The following CTIF variants were observed in gnomAD, a reference collection of about 807,000 sequenced individuals.
CTIF encodes the protein CBP80/20-dependent translation initiation factor.
In CTIF, 21 loss-of-function variants were observed where a neutral mutation model predicts 66.0. The observed-to-expected ratio is 0.32, with a 90% CI of 0.23 to 0.46. The LOEUF is 0.46. Among genes scored for constraint, CTIF ranks in the 20% least tolerant of loss-of-function variants. CTIF has a pLI of 1.00. For synonymous variants in CTIF, 345 were observed against 326.4 expected, an observed-to-expected ratio of 1.06 and a Z score of -0.62; for missense variants, 739 against 812.7, an observed-to-expected ratio of 0.91 and a Z score of 1.10.
intron 6 of CTIF, among the ~76,000 whole-genome samples, chr18:48,681,237 G>T (rs1223461997): frequency 6.6e-6 from 1 of 152,234 alleles, no homozygotes; most frequent in Non-Finnish European, 1.5e-5. Context: ...AGCCAGGGGG[G>T]CTGGGGGGTC....
chr18:48,698,292 G>C (rs2092036072), intron 6 of CTIF, among the ~76,000 whole-genome samples: 1 of 151,998 alleles, frequency 6.6e-6, no homozygotes, highest in Non-Finnish European at 1.5e-5. Flanking sequence ...CCTGGAACCT[G>C]TCGCAGGAGA....
chr18:48,812,716 T>C (rs1256456601), intron 9 of CTIF, among the ~76,000 whole-genome samples: 1 of 144,944 alleles, frequency 6.9e-6, no homozygotes, highest in Non-Finnish European at 1.5e-5. Flanking sequence ...ATCGCACCAC[T>C]GCACTGCAGC....
intron 10 of CTIF, among the ~76,000 whole-genome samples, chr18:48,830,374 G>A (rs929099725): frequency 1.3e-4 from 20 of 152,130 alleles, no homozygotes; most frequent in Admixed American, 1.2e-3. Context: ...ATGTTGGCCA[G>A]GCTGATCTCA....
chr18:48,571,538 T>C (rs2089416082), intron 1 of CTIF, among the ~76,000 whole-genome samples: 1 of 152,260 alleles, frequency 6.6e-6, no homozygotes, highest in African/African-American at 2.4e-5. Context: ...TTCTTTCTTA[T>C]ATCAAAGGTG....
intron 7 of CTIF, among the ~76,000 whole-genome samples, chr18:48,721,269 T>A (rs1462870825): frequency 6.6e-6 from 1 of 152,160 alleles, no homozygotes; most frequent in Non-Finnish European, 1.5e-5. Context: ...GGAGGGCTGC[T>A]CCCTGAGAAA....
chr18:48,818,589 C>G (rs1379920231), intron 10 of CTIF, among the ~76,000 whole-genome samples: 1 of 151,850 alleles, frequency 6.6e-6, no homozygotes, highest in Non-Finnish European at 1.5e-5. Flanking sequence ...TGGGAAGTAT[C>G]GATATGCACC....
At chr18:48,830,100 G>T (rs1270840905) in intron 10 of CTIF, among the ~76,000 whole-genome samples, 1 of 152,174 alleles carries the variant, frequency 6.6e-6, no homozygotes, top group Admixed American at 6.5e-5. Flanking sequence ...GGTGGGTTTC[G>T]GAGGCAGACA....
rs1186767613 is a variant in CTIF, at chr18:48,830,737, C to A, written c.1527+13361C>A. On this transcript the variant is annotated intron_variant, in intron 10 of 11. Coordinates refer to ENST00000256413, the MANE Select transcript of CTIF (RefSeq NM_014772.3). The stretch of plus-strand genomic sequence containing the variant: ...CTCAGAAGTCAGTTTCTCAGACCCC[C>A]CCCCGACCACGCCCCAGCCTGTCCC... Among the ~76,000 whole-genome samples the A allele has an allele frequency of 1.3e-5, 2 of 151,562 alleles. 1 individual carries two copies. Among genetic ancestry groups the A allele is most frequent in the Non-Finnish European group, 2.9e-5 (2 of 67,880 alleles).
At chr18:48,738,780 G>T (rs962990344) in intron 7 of CTIF, among the ~76,000 whole-genome samples, 4 of 152,160 alleles carry the variant, frequency 2.6e-5, no homozygotes, top group African/African-American at 7.2e-5. Context: ...TTTATCTTCT[G>T]CATCTCCCCG....
At chr18:48,571,652 G>A (rs1002092679) in intron 1 of CTIF, among the ~76,000 whole-genome samples, 1 of 151,848 alleles carries the variant, frequency 6.6e-6, no homozygotes, top group African/African-American at 2.4e-5. Flanking sequence ...TTTTTTTCCT[G>A]GGTATATAAT....
At chr18:48,612,410 G>A (rs2090323660) in intron 1 of CTIF, among the ~76,000 whole-genome samples, 1 of 152,232 alleles carries the variant, frequency 6.6e-6, no homozygotes, top group South Asian at 2.1e-4. Context: ...CCCCAATTGT[G>A]CATTCTGGGT....
chr18:48,667,718 C>A (rs560802966), intron 5 of CTIF, among the ~76,000 whole-genome samples: 14 of 152,324 alleles, frequency 9.2e-5, no homozygotes, highest in Admixed American at 3.3e-4. Flanking sequence ...CTAAATTCCT[C>A]GGCCAGTCTC....
At chr18:48,787,585 C>T (rs1269312261) in intron 9 of CTIF, among the ~76,000 whole-genome samples, 6 of 152,152 alleles carry the variant, frequency 3.9e-5, no homozygotes, top group African/African-American at 1.4e-4. Context: ...GGGACCGTGA[C>T]GGGCCCCAGC....
intron 1 of CTIF, among the ~76,000 whole-genome samples, chr18:48,601,019 G>A (rs1356017445): frequency 6.6e-6 from 1 of 152,192 alleles, no homozygotes; most frequent in Non-Finnish European, 1.5e-5. Context: ...TCTCCTACGT[G>A]TTGGGTAGAC....
chr18:48,788,708 G>A (rs1377314746), intron 9 of CTIF, among the ~76,000 whole-genome samples: 1 of 152,154 alleles, frequency 6.6e-6, no homozygotes, highest in African/African-American at 2.4e-5. Context: ...GGCTGTAATA[G>A]GAACAGGACA....
At chr18:48,818,589 C>T (rs1379920231) in intron 10 of CTIF, among the ~76,000 whole-genome samples, 4 of 151,850 alleles carry the variant, frequency 2.6e-5, no homozygotes, top group Non-Finnish European at 4.4e-5. Context: ...TGGGAAGTAT[C>T]GATATGCACC....
chr18:48,825,481 G>A (rs1234533652), intron 10 of CTIF, among the ~76,000 whole-genome samples: 1 of 152,216 alleles, frequency 6.6e-6, no homozygotes, highest in Non-Finnish European at 1.5e-5. Flanking sequence ...TTTTGCGTGA[G>A]TGTGCATTCA....
At chr18:48,634,917 C>T (rs1415846757) in intron 2 of CTIF, among the ~76,000 whole-genome samples, 2 of 152,170 alleles carry the variant, frequency 1.3e-5, no homozygotes, top group Non-Finnish European at 2.9e-5. Context: ...ATCTCATTAA[C>T]AACTTTTCAT....
At chr18:48,663,227 AAAG>A (rs1284062416) in intron 3 of CTIF, among the ~76,000 whole-genome samples, 1 of 152,226 alleles carries the variant, frequency 6.6e-6, no homozygotes, top group Non-Finnish European at 1.5e-5. Context: ...TGCATTGAGT[AAAG>A]AGGTTTCTGT....
Sources: gnomAD v4.1 joint callset for allele counts (sites outside exome capture counted in the v4.1 genomes callset) on GRCh38, gnomAD v4.1.1 for gene constraint, MANE v1.5 for transcripts, NCBI Gene and HGNC (gene_info 2026-07-23, HGNC 2026-07-21) for gene names.